Variants in ZNRF2 observed in about 807,000 individuals in gnomAD.
ZNRF2 encodes the protein E3 ubiquitin-protein ligase ZNRF2.
Under a neutral mutation model 20.4 loss-of-function variants are expected in ZNRF2, and 16 were observed. That is an observed-to-expected ratio of 0.79 (90% CI 0.53 to 1.19). The LOEUF is 1.19. ZNRF2 is among the 50% of genes most tolerant of loss of function. ZNRF2 has a pLI of 0.00. For synonymous variants in ZNRF2, 178 were observed against 144.9 expected (o/e 1.23, Z -1.64); for missense variants, 363 against 332.4 (o/e 1.09, Z -0.72).
At chr7:30,330,256 TA>T (rs1173040616) in intron 2 of ZNRF2, among the ~76,000 whole-genome samples, 11 of 152,304 alleles carry the variant, frequency 7.2e-5, no homozygotes, top group South Asian at 4.1e-4. Context: ...TTCTGGGAGT[TA>T]AATTATAAAC....
chr7:30,304,070 A>G (rs1799160158), intron 1 of ZNRF2, among the ~76,000 whole-genome samples: 1 of 152,086 alleles, frequency 6.6e-6, no homozygotes, highest in Non-Finnish European at 1.5e-5. Context: ...CTCCTTACTA[A>G]TAATATTAGT....
chr7:30,347,801 A>G (rs1799901014), intron 2 of ZNRF2, among the ~76,000 whole-genome samples: 3 of 152,192 alleles, frequency 2.0e-5, no homozygotes, highest in Non-Finnish European at 2.9e-5. Context: ...TTTCAGATGA[A>G]TCTAGATTTA....
At position 30,323,680 on chromosome 7, in the gene ZNRF2, G is replaced by A; in HGVS notation, c.508G>A (p.Asp170Asn). 1.2e-6 allele frequency: 2 copies of A among 1,600,598 alleles called. No individual in the cohort carries two copies. The highest frequency in any genetic ancestry group is 2.3e-5 in the East Asian group (1 of 43,920). The part of the protein sequence containing the change: ...CPVCSKFVSS[D>N]EMDLHLVMCL... ...TGTATGCTCAAAATTTGTATCCTCA[G>A]ATGAAATGGATTTGCATCTTGTAAT... The change falls in exon 2 of 5, where the codon GAT (aspartate) becomes AAT (asparagine). Residue 170 changes from aspartate (D) to asparagine (N), a missense_variant. Asp to Asn is a conservative substitution (Grantham distance 23, BLOSUM62 1). Coordinates refer to ENST00000323037, the MANE Select transcript of ZNRF2 (RefSeq NM_147128.4).
intron 4 of ZNRF2, among the ~76,000 whole-genome samples, chr7:30,363,371 C>G (rs534413634): frequency 1.3e-5 from 2 of 152,228 alleles, no homozygotes; most frequent in African/African-American, 4.8e-5. Flanking sequence ...ATTACTGTTC[C>G]TATTACGCAG....
At chr7:30,289,678 A>C (rs987722043) in intron 1 of ZNRF2, 1 of 455,420 alleles carries the variant, frequency 2.2e-6, no homozygotes, top group East Asian at 5.9e-5. Context: ...GTGTCATGGA[A>C]GTTTCTGCTT....
intron 3 of ZNRF2, among the ~76,000 whole-genome samples, chr7:30,361,554 A>T (rs1316385513): frequency 6.6e-6 from 1 of 152,218 alleles, no homozygotes; most frequent in African/African-American, 2.4e-5. Flanking sequence ...GGCAAGTAAT[A>T]GCTAGTTAGT....
At chr7:30,294,172 G>A (rs545936548) in intron 1 of ZNRF2, among the ~76,000 whole-genome samples, 31 of 151,922 alleles carry the variant, frequency 2.0e-4, no homozygotes, top group African/African-American at 6.5e-4. Flanking sequence ...TATTCTGTTC[G>A]TTCTCATTTT....
intron 1 of ZNRF2, among the ~76,000 whole-genome samples, chr7:30,305,013 G>C (rs193141431): frequency 3.9e-5 from 6 of 152,242 alleles, no homozygotes; most frequent in African/African-American, 1.2e-4. Context: ...TTATGTCCTA[G>C]TTTTATTATA....
intron 2 of ZNRF2, among the ~76,000 whole-genome samples, chr7:30,333,500 G>A (rs1188320507): frequency 6.6e-6 from 1 of 151,678 alleles, no homozygotes; most frequent in Admixed American, 6.6e-5. Context: ...CTTCCAAGTA[G>A]CTGGGATTAC....
intron 2 of ZNRF2, among the ~76,000 whole-genome samples, chr7:30,331,773 A>G (rs987202423): frequency 3.3e-5 from 5 of 152,220 alleles, no homozygotes; most frequent in African/African-American, 1.2e-4. Context: ...CAAATACCAA[A>G]CAAAAAGAGA....
intron 1 of ZNRF2, among the ~76,000 whole-genome samples, chr7:30,293,793 CTT>C (rs1409802192): frequency 6.6e-6 from 1 of 152,066 alleles, no homozygotes; most frequent in South Asian, 2.1e-4. Flanking sequence ...ATTCAGGGCT[CTT>C]TTTTTAGCGA....
intron 1 of ZNRF2, among the ~76,000 whole-genome samples, chr7:30,299,607 C>G (rs544507176): frequency 1.3e-5 from 2 of 152,148 alleles, no homozygotes; most frequent in African/African-American, 4.8e-5. Context: ...CTTTGCTGAT[C>G]CCATTGTCTT....
In ZNRF2 at chr7:30,295,050, A is replaced by AGAGT. The variant is rs1412764480; in HGVS notation, c.469+9225_469+9226insAGTG. ...GAGAGAGAGAGAGAGAGAGAGAGAG[A>AGAGT]GTGTGTGTGTGTGTGTGTGTGTGTG... is the stretch of plus-strand genomic sequence containing the variant. On this transcript the variant is annotated intron_variant, in intron 1 of 4. Transcript: ENST00000323037. Among the ~76,000 whole-genome samples, 68 of 38,284 alleles carry AGAGT rather than the reference A, an allele frequency of 1.8e-3. 1 individual carries two copies. The highest frequency in any genetic ancestry group is 2.0e-3 in the Non-Finnish European group (42 of 20,854). 25.1% of individuals were successfully genotyped at this position (38,284 alleles called of 152,430 possible).
At chr7:30,336,544 T>C (rs982567931) in intron 2 of ZNRF2, among the ~76,000 whole-genome samples, 5 of 152,194 alleles carry the variant, frequency 3.3e-5, no homozygotes, top group African/African-American at 9.7e-5. Context: ...GGCATAGAGA[T>C]GTTTTTCTTA....
At chr7:30,348,015 T>C (rs1799903309) in intron 2 of ZNRF2, among the ~76,000 whole-genome samples, 1 of 152,196 alleles carries the variant, frequency 6.6e-6, no homozygotes, top group African/African-American at 2.4e-5. Context: ...ATTTTAAATA[T>C]TTTTCCTGTT....
chr7:30,302,368 T>G (rs1377865632), intron 1 of ZNRF2, among the ~76,000 whole-genome samples: 2 of 152,144 alleles, frequency 1.3e-5, no homozygotes, highest in African/African-American at 4.8e-5. Flanking sequence ...ACTTATTCAT[T>G]TAGTCAAAAA....
chr7:30,305,600 T>A (rs765851644), intron 1 of ZNRF2, among the ~76,000 whole-genome samples: 3 of 152,174 alleles, frequency 2.0e-5, no homozygotes, highest in Non-Finnish European at 4.4e-5. Context: ...TGAACTCATT[T>A]TAGCAAGGAG....
intron 1 of ZNRF2, among the ~76,000 whole-genome samples, chr7:30,313,011 C>T (rs1799314541): frequency 6.6e-6 from 1 of 152,180 alleles, no homozygotes; most frequent in South Asian, 2.1e-4. Flanking sequence ...GTATACCTTA[C>T]AGACAGAACC....
At chr7:30,324,963 T>G (rs1472298855) in intron 2 of ZNRF2, among the ~76,000 whole-genome samples, 1 of 152,212 alleles carries the variant, frequency 6.6e-6, no homozygotes, top group East Asian at 1.9e-4. Context: ...TGTGTCTCTG[T>G]CTTTCCTCCC....
Sources: allele counts gnomAD v4.1 joint callset (sites outside exome capture counted in the v4.1 genomes callset), GRCh38; gene constraint gnomAD v4.1.1; transcripts MANE v1.5; gene names NCBI Gene and HGNC (gene_info 2026-07-23, HGNC 2026-07-21).